HSD17B6: variants seen among roughly 807,000 people sequenced by gnomAD.
HSD17B6 encodes the protein 17-beta-hydroxysteroid dehydrogenase type 6.
In HSD17B6, 16 loss-of-function variants were observed where a neutral mutation model predicts 26.4. That is an observed-to-expected ratio of 0.61 (90% CI 0.41 to 0.92). The LOEUF (loss-of-function observed/expected upper bound fraction) is 0.92, where lower values mean the gene tolerates loss of function less well. Ranked by LOEUF, HSD17B6 falls within the 40% of genes least tolerant of loss-of-function variation. The probability of loss-of-function intolerance (pLI) is 0.00; values close to 1 mark genes in which losing one functional copy is unlikely to be tolerated. For synonymous variants in HSD17B6, 139 were observed against 153.0 expected, an observed-to-expected ratio of 0.91 and a Z score of 0.68; for missense variants, 357 against 386.1, an observed-to-expected ratio of 0.92 and a Z score of 0.63.
intron 1 of HSD17B6, among the ~76,000 whole-genome samples, chr12:56,773,402 T>G (rs1265377231): frequency 6.6e-6 from 1 of 152,228 alleles, no homozygotes; most frequent in African/African-American, 2.4e-5. Context: ...CAGTCTCTTC[T>G]TATGTATGTT....
At chr12:56,779,665 T>G (rs2137920539) in intron 2 of HSD17B6, among the ~76,000 whole-genome samples, 1 of 152,334 alleles carries the variant, frequency 6.6e-6, no homozygotes, top group Middle Eastern at 3.4e-3. Flanking sequence ...ACCTTTCTCC[T>G]GAGTAATCCA....
chr12:56,774,467 C>A (rs1954549341), intron 2 of HSD17B6, among the ~76,000 whole-genome samples: 1 of 152,110 alleles, frequency 6.6e-6, no homozygotes, highest in Non-Finnish European at 1.5e-5. Flanking sequence ...CTTTTTGGCA[C>A]CAGGGACCGG....
intron 4 of HSD17B6, 24 bp downstream of exon 4, chr12:56,785,040 G>T (rs1954846907): frequency 1.9e-6 from 3 of 1,599,292 alleles, no homozygotes; most frequent in Non-Finnish European, 2.6e-6. Flanking sequence ...TTTTGATAGG[G>T]ATAATGGGTA....
intron 1 of HSD17B6, among the ~76,000 whole-genome samples, chr12:56,764,068 C>CAAAAAAAAA (rs71081400): frequency 1.2e-4 from 9 of 74,326 alleles, no homozygotes; most frequent in East Asian, 3.8e-4. Context: ...GACCGTGTCT[C>CAAAAAAAAA]AAAAAAAAAA....
chr12:56,767,520 CAAAACAAAACG>C (rs1954358476), intron 1 of HSD17B6, among the ~76,000 whole-genome samples: 1 of 143,884 alleles, frequency 7.0e-6, no homozygotes, highest in Non-Finnish European at 1.5e-5. Flanking sequence ...CCTCTCAAAA[CAAAACAAAACG>C]AAAACAAAAA....
chr12:56,769,952 T>C (rs1025492995), intron 1 of HSD17B6, among the ~76,000 whole-genome samples: 1 of 152,126 alleles, frequency 6.6e-6, no homozygotes, highest in African/African-American at 2.4e-5. Context: ...TTCTCTCTAA[T>C]GGGGGAAATA....
Position 56,782,068 on chromosome 12 carries a change from GA to G in HSD17B6, c.410del (p.Asn137ThrfsTer5). ...TEDSMNMLKV[N>X]LIGVIQVTLS... ...AGGACTCTATGAATATGCTCAAAGT[GA>G]ACCTCATTGGTGTGATCCAGGTGAC... On this transcript the variant is annotated frameshift_variant, in exon 3 of 5. Transcript: ENST00000322165. LOFTEE classifies it high-confidence loss of function. 1 of 1,614,168 alleles carries G rather than the reference GA, an allele frequency of 6.2e-7. No individual in the cohort carries two copies. The highest frequency in any genetic ancestry group is 8.5e-7 in the Non-Finnish European group (1 of 1,180,024).
In HSD17B6 at chr12:56,781,961, T is replaced by C. The variant is rs776565720; in HGVS notation, c.314-13T>C. 2.5e-6 allele frequency: 4 copies of C among 1,608,534 alleles called. No homozygotes were observed. In the South Asian group the frequency reaches 4.4e-5, roughly 18 times the overall value. On this transcript the variant is annotated splice_polypyrimidine_tract_variant and intron_variant, in intron 2 of 4. Transcript: ENST00000322165. ...TGAAACCAAACTCCTGATATGACTTTTAATTGTTTTAGGACTCTGGGGACT... is the reference window on the plus strand; with the variant it reads ...TGAAACCAAACTCCTGATATGACTTCTAATTGTTTTAGGACTCTGGGGACT...
chr12:56,765,042 C>G (rs1299572598), intron 1 of HSD17B6, among the ~76,000 whole-genome samples: 1 of 152,050 alleles, frequency 6.6e-6, no homozygotes, highest in Non-Finnish European at 1.5e-5. Flanking sequence ...CCAGGCTGGT[C>G]TTGAACTCCT....
Position 56,774,046 on chromosome 12 carries a change from G to A in HSD17B6, c.194G>A (p.Gly65Glu). Residue 65 changes from glycine to glutamate, a missense_variant, in exon 2 of 5, where the codon GGG (glycine) becomes GAG (glutamate). Coordinates refer to ENST00000322165, the MANE Select transcript of HSD17B6 (RefSeq NM_003725.4). Reference sequence around the variant, plus strand: ...CTGGCTGCGTGTCTGACGGAGAAGGGGGCCGAGCAGCTGAGGGGCCAGACG... The same window carrying A: ...CTGGCTGCGTGTCTGACGGAGAAGGAGGCCGAGCAGCTGAGGGGCCAGACG... The part of the protein sequence containing the change: ...RVLAACLTEK[G>E]AEQLRGQTSD... 1.9e-6 allele frequency: 3 copies of A among 1,614,180 alleles called. No individual in the cohort carries two copies. Among genetic ancestry groups the A allele is most frequent in the Non-Finnish European group, 2.5e-6 (3 of 1,180,028 alleles).
chr12:56,783,264 G>A (rs902407871), intron 3 of HSD17B6, among the ~76,000 whole-genome samples: 3 of 149,562 alleles, frequency 2.0e-5, no homozygotes, highest in African/African-American at 7.4e-5. Context: ...GCCGGGCGGG[G>A]GGCTGACCCC....
chr12:56,779,123 C>G (rs1228668028), intron 2 of HSD17B6, among the ~76,000 whole-genome samples: 1 of 151,398 alleles, frequency 6.6e-6, no homozygotes, highest in African/African-American at 2.4e-5. Flanking sequence ...TTCATCTATA[C>G]TACTTTATTA....
intron 2 of HSD17B6, among the ~76,000 whole-genome samples, chr12:56,780,840 CAA>C (rs59227954): frequency 6.7e-4 from 43 of 64,092 alleles, no homozygotes; most frequent in African/African-American, 2.2e-3. Flanking sequence ...GACTCCGTCT[CAA>C]AAAAAAAAAA....
At chr12:56,772,656 C>T (rs1363120292) in intron 1 of HSD17B6, among the ~76,000 whole-genome samples, 1 of 145,098 alleles carries the variant, frequency 6.9e-6, no homozygotes, top group Non-Finnish European at 1.5e-5. Flanking sequence ...GAGATTGCGC[C>T]ATTGCACTCC....
chr12:56,783,174 G>T (rs1196243999), intron 3 of HSD17B6, among the ~76,000 whole-genome samples: 2 of 152,052 alleles, frequency 1.3e-5, no homozygotes, highest in Non-Finnish European at 2.9e-5. Context: ...CCCAGACGGG[G>T]TGGTGGCCGG....
intron 1 of HSD17B6, among the ~76,000 whole-genome samples, chr12:56,771,419 T>A (rs975125461): frequency 6.6e-6 from 1 of 151,606 alleles, no homozygotes; most frequent in African/African-American, 2.4e-5. Context: ...CAGAGCCTGA[T>A]ACACAGCAAG....
rs927069658 is a variant in HSD17B6 at position 56,774,045 on chromosome 12, G to C, written c.193G>C (p.Gly65Arg). The C allele has an allele frequency of 3.7e-6, 6 of 1,614,082 alleles. No individual in the cohort carries two copies. Among genetic ancestry groups the C allele is most frequent in the Admixed American group, 3.3e-5 (2 of 60,006 alleles). The stretch of plus-strand genomic sequence containing the variant: ...GCTGGCTGCGTGTCTGACGGAGAAG[G>C]GGGCCGAGCAGCTGAGGGGCCAGAC... ...RVLAACLTEK[G>R]AEQLRGQTSD... The change falls in exon 2 of 5, where the codon GGG (glycine) becomes CGG (arginine). Residue 65 changes from glycine to arginine, a missense_variant. Physicochemically the swap from Gly to Arg is moderately radical, Grantham distance 125. Coordinates refer to ENST00000322165, the MANE Select transcript of HSD17B6 (RefSeq NM_003725.4).
In HSD17B6 at chr12:56,774,159, G is replaced by T; in HGVS notation, c.307G>T (p.Asp103Tyr). 1.3e-6 allele frequency: 2 copies of T among 1,548,380 alleles called. No homozygotes were observed. Among genetic ancestry groups the T allele is most frequent in the Non-Finnish European group, 1.7e-6 (2 of 1,147,190 alleles). ...TCAGTGGGTGAAGGAGCATGTGGGG[G>T]ACAGAGGTATGAAATATTTTCTCCT... ...ATQWVKEHVG[D>Y]RGLWGLVNNA... Residue 103 changes from aspartate to tyrosine, a missense_variant, in exon 2 of 5, where the codon GAC becomes TAC. Coordinates refer to ENST00000322165, the MANE Select transcript of HSD17B6 (RefSeq NM_003725.4).
intron 1 of HSD17B6, among the ~76,000 whole-genome samples, chr12:56,764,811 G>T (rs1269010504): frequency 6.6e-6 from 1 of 152,000 alleles, no homozygotes; most frequent in African/African-American, 2.4e-5. Flanking sequence ...CAGAGTCTAT[G>T]CTCATGATTC....
Sources: allele counts gnomAD v4.1 joint callset (sites outside exome capture counted in the v4.1 genomes callset), GRCh38; gene constraint gnomAD v4.1.1; transcripts MANE v1.5; gene names NCBI Gene and HGNC (gene_info 2026-07-23, HGNC 2026-07-21).